PRRC2B: variants seen among roughly 807,000 people sequenced by gnomAD.
PRRC2B encodes the protein protein PRRC2B.
A neutral mutation model predicts 242.3 loss-of-function variants in PRRC2B; 68 were observed. The ratio of observed to expected loss-of-function variants is 0.28; its 90% CI spans 0.23 to 0.34. The LOEUF (loss-of-function observed/expected upper bound fraction) is 0.34, where lower values mean the gene tolerates loss of function less well. PRRC2B is among the 10% of genes least tolerant of loss of function. The pLI is 1.00. For synonymous variants in PRRC2B, 1,228 were observed against 1,173.6 expected (o/e 1.05, Z -0.95); for missense variants, 2,835 against 2,954.8 (o/e 0.96, Z 0.94).
At chr9:131,476,662 G>T (rs758568910) in intron 16 of PRRC2B, 127 bp downstream of exon 16, 4 of 789,770 alleles carry the variant, frequency 5.1e-6, no homozygotes, top group African/African-American at 3.5e-5. Context: ...CCGTCTGTGC[G>T]CGTCTCCATT....
intron 1 of PRRC2B, among the ~76,000 whole-genome samples, chr9:131,422,914 G>A (rs147430629): frequency 1.3e-5 from 2 of 152,098 alleles, no homozygotes; most frequent in African/African-American, 4.8e-5. Context: ...TTTTTCATCT[G>A]CCTAATGGCA....
In PRRC2B at chr9:131,487,119, T is replaced by C; in HGVS notation, c.5857-48T>C. 3 of 1,597,944 alleles carry C rather than the reference T, an allele frequency of 1.9e-6. No homozygotes were observed. The highest frequency in any genetic ancestry group is 2.2e-5 in the South Asian group (2 of 90,124). ...GGGAGGTGGGAGGGGAAGAACCACC[T>C]GGATGGGCCTTGCGGTTACCTCCCC... On this transcript the variant is annotated intron_variant, in intron 26 of 31. Coordinates refer to ENST00000683519, the MANE Select transcript of PRRC2B (RefSeq NM_013318.4). This position sits in a 1 kb window ranked among gnomAD's most constrained non-coding sequence, Gnocchi z 5.3.
intron 23 of PRRC2B, among the ~76,000 whole-genome samples, chr9:131,484,150 C>G (rs768883832): frequency 1.3e-5 from 2 of 152,236 alleles, no homozygotes; most frequent in African/African-American, 2.4e-5. Flanking sequence ...CACCGGGGAT[C>G]TGCAGGAAGC....
chr9:131,386,903 T>G (rs979542909), intron 1 of PRRC2B, among the ~76,000 whole-genome samples: 6 of 150,168 alleles, frequency 4.0e-5, no homozygotes, highest in East Asian at 2.0e-4. Flanking sequence ...AGGCTGGCTG[T>G]CTGCAAGCTG....
Position 131,470,962 on chromosome 9 carries a change from C to G in PRRC2B, c.2086C>G (p.Pro696Ala). The change falls in exon 14 of 32, where the codon CCC becomes GCC. Residue 696 changes from proline to alanine, a missense_variant. Pro to Ala is a conservative substitution (Grantham distance 27, BLOSUM62 -1). Around this residue, in one of 7 missense-constraint regions of PRRC2B, gnomAD observed 1,536 missense variants for 1,483.1 expected, o/e 1.04. Coordinates refer to ENST00000683519, the MANE Select transcript of PRRC2B (RefSeq NM_013318.4). ...TPTRTPVDFY[P>A]SALHPSGLMK... ...CACTCGGACCCCGGTGGACTTCTAC[C>G]CCTCCGCCCTGCATCCCTCAGGTAA... 3 of 1,611,864 alleles carry G rather than the reference C, an allele frequency of 1.9e-6. No homozygotes were observed. Among genetic ancestry groups the G allele is most frequent in the Non-Finnish European group, 2.5e-6 (3 of 1,178,706 alleles).
At chr9:131,458,054 C>T (rs762739544) in intron 10 of PRRC2B, among the ~76,000 whole-genome samples, 14 of 152,110 alleles carry the variant, frequency 9.2e-5, no homozygotes, top group African/African-American at 1.9e-4. Context: ...GGCGTCCAGA[C>T]GAGCATGGCA....
At chr9:131,428,829 A>T (rs1427345332) in intron 1 of PRRC2B, among the ~76,000 whole-genome samples, 1 of 152,198 alleles carries the variant, frequency 6.6e-6, no homozygotes, top group African/African-American at 2.4e-5. Context: ...TGAGCCCATC[A>T]AGTGTTTGGT....
chr9:131,382,201 G>T (rs1836770590), intron 1 of PRRC2B, among the ~76,000 whole-genome samples: 2 of 152,080 alleles, frequency 1.3e-5, no homozygotes, highest in African/African-American at 4.8e-5. Flanking sequence ...ATTTTCAGTA[G>T]AGACGGGGTT....
chr9:131,450,134 T>C (rs1366726651), intron 9 of PRRC2B, among the ~76,000 whole-genome samples: 1 of 152,244 alleles, frequency 6.6e-6, no homozygotes, highest in Non-Finnish European at 1.5e-5. Flanking sequence ...GTGTAAGTTT[T>C]CCAACTTTGT....
In PRRC2B at chr9:131,470,947, C is replaced by T. The variant is rs1329162418; in HGVS notation, c.2071C>T (p.Pro691Ser). Residue 691 changes from proline to serine, a missense_variant, in exon 14 of 32, where the codon CCG becomes TCG. Pro to Ser is a moderately conservative substitution (Grantham distance 74). Transcript: ENST00000683519. ...MDPRITPTRT[P>S]VDFYPSALHP... is the part of the protein sequence containing the mutation. ...CCCACGTATCACGCCCACTCGGACC[C>T]CGGTGGACTTCTACCCCTCCGCCCT... 2 of 1,612,602 alleles carry T rather than the reference C, an allele frequency of 1.2e-6. No homozygotes were observed. The highest frequency in any genetic ancestry group is 1.1e-5 in the South Asian group (1 of 91,020).
intron 1 of PRRC2B, among the ~76,000 whole-genome samples, chr9:131,425,575 C>T (rs1302086671): frequency 2.0e-5 from 3 of 151,746 alleles, no homozygotes; most frequent in African/African-American, 4.8e-5. Context: ...TGCAAGCTCC[C>T]CTTCTGGGTT....
Position 131,478,580 on chromosome 9 carries a change from G to C in PRRC2B, c.4719G>C (p.Leu1573=). 16 of 1,610,788 alleles carry C rather than the reference G, an allele frequency of 9.9e-6. No homozygotes were observed. The highest frequency in any genetic ancestry group is 1.4e-5 in the Non-Finnish European group (16 of 1,178,318). The change falls in exon 18 of 32, where the codon CTG becomes CTC. Residue 1573 remains leucine (L), a synonymous_variant. Transcript: ENST00000683519. ...IEVLTKKQRR[L]LEEERRKKEQ... is the part of the protein sequence containing the mutation. ...TCCTGACCAAGAAGCAGCGCCGCCT[G>C]CTGGAGGAAGAGAGAAGAAAGAAGG...
chr9:131,420,475 T>TTCTCTCTTTCTC (rs1334983168), intron 1 of PRRC2B, among the ~76,000 whole-genome samples: 4 of 14,078 alleles, frequency 2.8e-4, no homozygotes, highest in Non-Finnish European at 4.3e-4. Context: ...CTTTCTTTCT[T>TTCTCTCTTTCTC]TCTTTCTTTC....
chr9:131,462,283 G>T lies in PRRC2B; in HGVS notation c.1405-2480G>T, dbSNP rs763056577. Among the ~76,000 whole-genome samples, 5 of 152,030 alleles carry T rather than the reference G, an allele frequency of 3.3e-5. No homozygotes were observed. In the South Asian group the frequency reaches 1.0e-3, roughly 32 times the overall value. On this transcript the variant is annotated intron_variant, in intron 11 of 31. Transcript: ENST00000683519. ...GCTGGAGTGCAGTGGTGTGCTCTCG[G>T]CTCACTGCAACTTCTGCCTTCCAGG...
chr9:131,429,416 G>A (rs1838064903), intron 1 of PRRC2B, among the ~76,000 whole-genome samples: 1 of 152,198 alleles, frequency 6.6e-6, no homozygotes, highest in African/African-American at 2.4e-5. Context: ...GGGCAAGTGC[G>A]GATGGCATAG....
At chr9:131,429,003 G>A (rs1446228410) in intron 1 of PRRC2B, among the ~76,000 whole-genome samples, 1 of 152,098 alleles carries the variant, frequency 6.6e-6, no homozygotes, top group Non-Finnish European at 1.5e-5. Flanking sequence ...TCGCCTAGAC[G>A]GGAGTGCAGT....
intron 16 of PRRC2B, among the ~76,000 whole-genome samples, chr9:131,476,969 G>A (rs1035928297): frequency 2.6e-5 from 4 of 152,204 alleles, no homozygotes; most frequent in African/African-American, 9.6e-5. Flanking sequence ...TTCCTAGATG[G>A]TTCTGCTTCT....
intron 5 of PRRC2B, among the ~76,000 whole-genome samples, chr9:131,443,831 C>T (rs1248205138): frequency 2.6e-5 from 4 of 152,142 alleles, no homozygotes; most frequent in Admixed American, 6.6e-5. Flanking sequence ...CTTGGCCTCC[C>T]CTGGGCTGAT....
At chr9:131,400,526 C>T (rs181134315) in intron 1 of PRRC2B, among the ~76,000 whole-genome samples, 91 of 152,162 alleles carry the variant, frequency 6.0e-4, no homozygotes, top group African/African-American at 2.1e-3. Context: ...CCATGTTGGC[C>T]AGGCTGGTCT....
Sources: allele counts gnomAD v4.1 joint callset (sites outside exome capture counted in the v4.1 genomes callset), GRCh38; gene constraint gnomAD v4.1.1; regional missense constraint gnomAD v4.1.1; non-coding constraint Gnocchi (gnomAD v3.1); transcripts MANE v1.5; gene names NCBI Gene and HGNC (gene_info 2026-07-23, HGNC 2026-07-21).